The following HS3ST4 variants were observed in gnomAD, a reference collection of about 807,000 sequenced individuals.
HS3ST4 encodes heparan sulfate glucosamine 3-O-sulfotransferase 4.
HS3ST4 carries 17 observed loss-of-function variants against 29.2 expected under a neutral mutation model. The observed-to-expected ratio is 0.58, with a 90% CI of 0.40 to 0.87. The LOEUF is 0.87. Among genes scored for constraint, HS3ST4 ranks in the 40% least tolerant of loss-of-function variants. The pLI, the probability that HS3ST4 is intolerant of heterozygous loss-of-function variation, is 0.00. For missense variants in HS3ST4, 627 were observed against 634.5 expected (o/e 0.99, Z 0.13); for synonymous variants, 314 against 285.7 (o/e 1.10, Z -1.00).
chr16:26,119,061 A>G (rs1290983255), intron 1 of HS3ST4, among the ~76,000 whole-genome samples: 1 of 152,218 alleles, frequency 6.6e-6, no homozygotes, highest in East Asian at 1.9e-4. Flanking sequence ...TCGTTAGAGT[A>G]TTCATTTTTG....
intron 1 of HS3ST4, among the ~76,000 whole-genome samples, chr16:25,828,989 A>G (rs1967266471): frequency 6.6e-6 from 1 of 152,206 alleles, no homozygotes; most frequent in Non-Finnish European, 1.5e-5. Context: ...GTTGAGCAAT[A>G]AATAGCATTC....
At chr16:26,078,090 G>A (rs1025814943) in intron 1 of HS3ST4, among the ~76,000 whole-genome samples, 5 of 152,136 alleles carry the variant, frequency 3.3e-5, no homozygotes, top group African/African-American at 9.7e-5. Context: ...AAAATGAACA[G>A]TGTCTGTGTC....
intron 1 of HS3ST4, among the ~76,000 whole-genome samples, chr16:26,117,064 G>A (rs1049552341): frequency 6.6e-5 from 10 of 152,096 alleles, no homozygotes; most frequent in African/African-American, 1.9e-4. Context: ...CTAAATTCTG[G>A]CTGCACACTA....
intron 1 of HS3ST4, among the ~76,000 whole-genome samples, chr16:26,000,390 A>G (rs1036385274): frequency 7.9e-5 from 12 of 152,210 alleles, no homozygotes; most frequent in African/African-American, 2.9e-4. Context: ...CTTCATAATT[A>G]ACAGAGCTCA....
chr16:25,911,225 T>C lies in HS3ST4; in HGVS notation c.734+218074T>C, dbSNP rs758426126. 2.8e-4 allele frequency among the ~76,000 whole-genome samples: 43 copies of C among 152,240 alleles called. No homozygotes were observed. The Middle Eastern group carries it at 0.014, about 48-fold the overall frequency. On this transcript the variant is annotated intron_variant, in intron 1 of 1. Transcript: ENST00000331351. The stretch of plus-strand genomic sequence containing the variant: ...TCCTGGGTGATTCTTATGCCTGATA[T>C]TACCTTAAGCTGTCACAAAAGTGGG...
intron 1 of HS3ST4, among the ~76,000 whole-genome samples, chr16:25,978,748 G>C (rs1181917821): frequency 6.6e-6 from 1 of 152,158 alleles, no homozygotes; most frequent in Non-Finnish European, 1.5e-5. Flanking sequence ...GGCTTGCATG[G>C]CTGACTTCCT....
intron 1 of HS3ST4, among the ~76,000 whole-genome samples, chr16:25,751,937 C>T (rs1362184322): frequency 1.3e-5 from 2 of 152,062 alleles, no homozygotes; most frequent in Non-Finnish European, 2.9e-5. Flanking sequence ...TAGAAAATGG[C>T]CTTCCTGCTG....
intron 1 of HS3ST4, among the ~76,000 whole-genome samples, chr16:25,987,071 A>G (rs1299219723): frequency 6.6e-6 from 1 of 152,172 alleles, no homozygotes; most frequent in African/African-American, 2.4e-5. Flanking sequence ...ATACTGCTGA[A>G]TGGGCTCTGT....
intron 1 of HS3ST4, among the ~76,000 whole-genome samples, chr16:25,951,928 A>G (rs759510145): frequency 2.0e-5 from 3 of 152,116 alleles, no homozygotes; most frequent in Admixed American, 6.5e-5. Context: ...ATATTTACCT[A>G]TGTAACAAAC....
intron 1 of HS3ST4, among the ~76,000 whole-genome samples, chr16:25,982,395 A>G (rs1368701434): frequency 6.6e-6 from 1 of 152,242 alleles, no homozygotes; most frequent in Non-Finnish European, 1.5e-5. Flanking sequence ...CAACCTGTGT[A>G]GGATCATCCC....
intron 1 of HS3ST4, among the ~76,000 whole-genome samples, chr16:25,709,600 C>T (rs1966402674): frequency 6.6e-6 from 1 of 152,016 alleles, no homozygotes; most frequent in South Asian, 2.1e-4. Context: ...TGTCTTTCTA[C>T]CAAGGTGGAC....
intron 1 of HS3ST4, among the ~76,000 whole-genome samples, chr16:26,031,878 A>G (rs928502863): frequency 5.9e-5 from 9 of 152,200 alleles, no homozygotes; most frequent in African/African-American, 2.2e-4. Context: ...ATAAAACCCA[A>G]TGAAGTCTTC....
intron 1 of HS3ST4, among the ~76,000 whole-genome samples, chr16:25,778,688 TGAA>T (rs1271014116): frequency 2.0e-5 from 3 of 150,800 alleles, no homozygotes; most frequent in African/African-American, 4.9e-5. Flanking sequence ...GGAGAGTTCT[TGAA>T]GAAGAAGAAA....
intron 1 of HS3ST4, among the ~76,000 whole-genome samples, chr16:25,815,355 G>T (rs893924107): frequency 6.6e-6 from 1 of 152,046 alleles, no homozygotes; most frequent in Non-Finnish European, 1.5e-5. Flanking sequence ...TTCAAGTCTC[G>T]CTTTATTGCC....
chr16:25,805,324 C>T (rs1426690098), intron 1 of HS3ST4, among the ~76,000 whole-genome samples: 2 of 152,148 alleles, frequency 1.3e-5, no homozygotes, highest in Non-Finnish European at 2.9e-5. Context: ...CCATAGCTGG[C>T]ATCAGTTCAT....
chr16:26,120,925 G>C (rs1351454211), intron 1 of HS3ST4, among the ~76,000 whole-genome samples: 3 of 152,214 alleles, frequency 2.0e-5, no homozygotes, highest in Non-Finnish European at 4.4e-5. Flanking sequence ...GAAGAAATGG[G>C]CTTCATGTGT....
At chr16:25,904,092 A>G (rs749799875) in intron 1 of HS3ST4, among the ~76,000 whole-genome samples, 1 of 149,756 alleles carries the variant, frequency 6.7e-6, no homozygotes, top group Non-Finnish European at 1.5e-5. Context: ...GGATGCATGG[A>G]TGAATGAATG....
intron 1 of HS3ST4, among the ~76,000 whole-genome samples, chr16:26,134,075 G>A (rs764125421): frequency 2.6e-5 from 4 of 152,060 alleles, no homozygotes; most frequent in Non-Finnish European, 5.9e-5. Context: ...GGGGAAAATG[G>A]CATCAAACCC....
At chr16:25,874,752 A>C (rs551863438) in intron 1 of HS3ST4, among the ~76,000 whole-genome samples, 1 of 152,254 alleles carries the variant, frequency 6.6e-6, no homozygotes, top group East Asian at 1.9e-4. Flanking sequence ...GTAGATACTC[A>C]ATTAATATTT....
Sources: allele counts gnomAD v4.1 joint callset (sites outside exome capture counted in the v4.1 genomes callset), GRCh38; gene constraint gnomAD v4.1.1; transcripts MANE v1.5; gene names NCBI Gene and HGNC (gene_info 2026-07-23, HGNC 2026-07-21).